LARGE1: variants seen among roughly 807,000 people sequenced by gnomAD.
LARGE1 encodes xylosyl- and glucuronyltransferase LARGE1.
Under a neutral mutation model 87.6 loss-of-function variants are expected in LARGE1, and 43 were observed. That is an observed-to-expected ratio of 0.49 (90% confidence interval 0.38 to 0.63). LARGE1 has a LOEUF of 0.63. Among genes scored for constraint, LARGE1 ranks in the 30% least tolerant of loss-of-function variants. The pLI is 0.00. For missense variants in LARGE1, 802 were observed against 1,000.2 expected, an observed-to-expected ratio of 0.80 and a Z score of 2.67; for synonymous variants, 434 against 394.6, an observed-to-expected ratio of 1.10 and a Z score of -1.18.
At chr22:33,156,890 G>T in the LARGE1 span, among the ~76,000 whole-genome samples, 2 of 152,140 alleles carry the variant, frequency 1.3e-5, no homozygotes, top group East Asian at 3.9e-4. Context: ...GGTCTTTCCT[G>T]TGCTGTTATC....
chr22:33,606,065 C>T (rs1019672411), intron 4 of LARGE1, among the ~76,000 whole-genome samples: 2 of 152,022 alleles, frequency 1.3e-5, no homozygotes, highest in Non-Finnish European at 2.9e-5. Context: ...TAGTAGGGCT[C>T]CAGGGTTGGA....
At chr22:33,903,349 A>C (rs2065340230) in intron 1 of LARGE1, among the ~76,000 whole-genome samples, 1 of 152,220 alleles carries the variant, frequency 6.6e-6, no homozygotes, top group South Asian at 2.1e-4. Context: ...GACAGTGAGA[A>C]AATACATTAA....
intron 2 of LARGE1, among the ~76,000 whole-genome samples, chr22:33,674,691 TCCCATTGGTCCTTCAGATAAAGGCC>T (rs753552894): frequency 2.6e-5 from 4 of 152,096 alleles, no homozygotes; most frequent in Non-Finnish European, 4.4e-5. Context: ...GTCTACACAC[TCCCATTGGTCCTTCAGATAAAGGCC>T]CATGGTCCTC....
chr22:33,368,098 T>C (rs1252147245), intron 9 of LARGE1, among the ~76,000 whole-genome samples: 2 of 152,246 alleles, frequency 1.3e-5, no homozygotes, highest in East Asian at 3.8e-4. Flanking sequence ...AAATGTTCCA[T>C]ATGAGCCTAA....
chr22:33,133,568 C>G, the LARGE1 span, among the ~76,000 whole-genome samples: 1 of 152,138 alleles, frequency 6.6e-6, no homozygotes. Context: ...TTTTCTTAAT[C>G]CAGTCTATCA....
At chr22:33,349,934 C>T (rs1023820105) in intron 9 of LARGE1, among the ~76,000 whole-genome samples, 3 of 152,202 alleles carry the variant, frequency 2.0e-5, no homozygotes, top group Non-Finnish European at 4.4e-5. Flanking sequence ...TCATTGATGA[C>T]TTAGTCCTCT....
chr22:33,338,669 A>C (rs1250961136), intron 9 of LARGE1, among the ~76,000 whole-genome samples: 1 of 152,222 alleles, frequency 6.6e-6, no homozygotes, highest in Non-Finnish European at 1.5e-5. Context: ...GCATGTAAAT[A>C]ATGCCTAGCA....
At chr22:33,426,204 T>C (rs933197936) in intron 7 of LARGE1, among the ~76,000 whole-genome samples, 1 of 152,198 alleles carries the variant, frequency 6.6e-6, no homozygotes, top group Non-Finnish European at 1.5e-5. Flanking sequence ...TATTTGCAGA[T>C]ATGCAAACGC....
chr22:33,103,894 A>G, the LARGE1 span, among the ~76,000 whole-genome samples: 2 of 152,144 alleles, frequency 1.3e-5, no homozygotes, highest in Non-Finnish European at 2.9e-5. Flanking sequence ...TGGTTTTATA[A>G]GGGGAAACCC....
chr22:33,852,973 C>G (rs898956852), intron 1 of LARGE1, among the ~76,000 whole-genome samples: 1 of 151,036 alleles, frequency 6.6e-6, no homozygotes, highest in African/African-American at 2.4e-5. Context: ...GCGAGGGTCA[C>G]AGTGATCAAT....
At chr22:33,730,658 G>A (rs2083433641) in intron 2 of LARGE1, among the ~76,000 whole-genome samples, 1 of 152,046 alleles carries the variant, frequency 6.6e-6, no homozygotes, top group Non-Finnish European at 1.5e-5. Flanking sequence ...AAGTGGAGAG[G>A]GGGTTGCATT....
At chr22:33,139,077 G>C in the LARGE1 span, among the ~76,000 whole-genome samples, 64,090 of 151,976 alleles carry the variant, frequency 0.42, 13,971 homozygotes, top group South Asian at 0.68. Context: ...TGTAAGACAT[G>C]ACATGCTCCT....
intron 11 of LARGE1, among the ~76,000 whole-genome samples, chr22:33,182,521 A>G (rs1388407824): frequency 6.7e-6 from 1 of 149,316 alleles, no homozygotes; most frequent in Non-Finnish European, 1.5e-5. Context: ...TGAATAGCCA[A>G]AGCAATCTGG....
At chr22:33,157,087 A>T in the LARGE1 span, among the ~76,000 whole-genome samples, 1 of 152,202 alleles carries the variant, frequency 6.6e-6, no homozygotes, top group African/African-American at 2.4e-5. Flanking sequence ...GCCCAGTCTC[A>T]AGTATGTCTT....
chr22:33,205,773 T>C (rs897260510), intron 11 of LARGE1, among the ~76,000 whole-genome samples: 10 of 152,030 alleles, frequency 6.6e-5, no homozygotes, highest in Admixed American at 6.6e-5. Flanking sequence ...TCTGATCATA[T>C]TGTGTGACTT....
At chr22:33,441,629 A>AT (rs1260216280) in intron 6 of LARGE1, among the ~76,000 whole-genome samples, 5 of 150,784 alleles carry the variant, frequency 3.3e-5, no homozygotes, top group Admixed American at 6.6e-5. Context: ...CTAACTTTAA[A>AT]TTTTTTTTTG....
At chr22:33,497,374 C>G (rs1189185044) in intron 6 of LARGE1, among the ~76,000 whole-genome samples, 2 of 152,184 alleles carry the variant, frequency 1.3e-5, no homozygotes, top group African/African-American at 4.8e-5. Context: ...ACAAACCCAG[C>G]CTGCTATTTT....
At chr22:33,779,471 C>T (rs948748112) in intron 1 of LARGE1, among the ~76,000 whole-genome samples, 1 of 152,086 alleles carries the variant, frequency 6.6e-6, no homozygotes, top group African/African-American at 2.4e-5. Context: ...AAGTTCCTAG[C>T]GACAGTTTGA....
chr22:33,623,306 G>A (rs1334877636), intron 4 of LARGE1, among the ~76,000 whole-genome samples: 1 of 152,122 alleles, frequency 6.6e-6, no homozygotes, highest in Non-Finnish European at 1.5e-5. Context: ...CTTCAAAACT[G>A]CAGAGAAACA....
Sources: gnomAD v4.1 joint callset for allele counts (sites outside exome capture counted in the v4.1 genomes callset) on GRCh38, gnomAD v4.1.1 for gene constraint, MANE v1.5 for transcripts, NCBI Gene and HGNC (gene_info 2026-07-23, HGNC 2026-07-21) for gene names.